The following COLEC12 variants were observed in gnomAD, a reference collection of about 807,000 sequenced individuals.
COLEC12 encodes collectin subfamily member 12, also known as collectin-12.
COLEC12 carries 33 observed loss-of-function variants against 71.1 expected under a neutral mutation model. That is an observed-to-expected ratio of 0.46 (90% CI 0.35 to 0.62). The LOEUF is 0.62. Among genes scored for constraint, COLEC12 ranks in the 20% least tolerant of loss-of-function variants. COLEC12 has a pLI of 0.00. For synonymous variants in COLEC12, 350 were observed against 353.0 expected, an observed-to-expected ratio of 0.99 and a Z score of 0.10; for missense variants, 765 against 916.1, an observed-to-expected ratio of 0.84 and a Z score of 2.13.
intron 2 of COLEC12, among the ~76,000 whole-genome samples, chr18:413,930 T>C (rs1038474123): frequency 1.3e-5 from 2 of 152,250 alleles, no homozygotes; most frequent in African/African-American, 4.8e-5. Context: ...ATTCCATTGA[T>C]ACAACATTCT....
At chr18:336,112 T>C (rs754412101) in intron 5 of COLEC12, among the ~76,000 whole-genome samples, 3 of 152,238 alleles carry the variant, frequency 2.0e-5, no homozygotes, top group Middle Eastern at 3.2e-3. Context: ...GATGTATTAA[T>C]TCTCTCCCCA....
At chr18:485,280 G>A (rs904097993) in intron 1 of COLEC12, among the ~76,000 whole-genome samples, 2 of 152,146 alleles carry the variant, frequency 1.3e-5, no homozygotes, top group African/African-American at 2.4e-5. Context: ...ACTTCCCAAT[G>A]TCTATCTCTG....
chr18:461,162 G>A (rs577428696), intron 2 of COLEC12, among the ~76,000 whole-genome samples: 31 of 152,212 alleles, frequency 2.0e-4, no homozygotes, highest in African/African-American at 7.5e-4. Flanking sequence ...CAAAAAACAT[G>A]CCTTGAAAAT....
At chr18:471,280 A>G (rs1244509752) in intron 2 of COLEC12, among the ~76,000 whole-genome samples, 2 of 55,954 alleles carry the variant, frequency 3.6e-5, no homozygotes, top group Non-Finnish European at 7.0e-5. Flanking sequence ...CAATTTCACA[A>G]TGTTTCATTG....
chr18:405,722 A>T (rs79790798), intron 2 of COLEC12, among the ~76,000 whole-genome samples: 8,918 of 152,174 alleles, frequency 0.059, 379 homozygotes, highest in Middle Eastern at 0.13. Context: ...GCAACAGTGG[A>T]GAGACTTCTG....
intron 5 of COLEC12, among the ~76,000 whole-genome samples, chr18:342,769 A>G (rs1914284264): frequency 6.6e-6 from 1 of 152,174 alleles, no homozygotes; most frequent in Admixed American, 6.5e-5. Flanking sequence ...TTGGCTTGGG[A>G]AGCTTCTCAG....
intron 8 of COLEC12, 142 bp from the exon 9 acceptor site, chr18:321,949 A>G: frequency 2.5e-6 from 2 of 784,774 alleles, no homozygotes; most frequent in Non-Finnish European, 4.1e-6. Flanking sequence ...AAATCAGTAC[A>G]TGCTCTTATT....
At chr18:348,263 G>A (rs1363555141) in intron 3 of COLEC12, 100 bp from the exon 4 acceptor site, 2 of 733,564 alleles carry the variant, frequency 2.7e-6, no homozygotes, top group East Asian at 5.5e-5. Flanking sequence ...AAAGGAAACA[G>A]ATTGAACGAA....
chr18:437,260 A>G (rs2143686531), intron 2 of COLEC12, among the ~76,000 whole-genome samples: 1 of 152,336 alleles, frequency 6.6e-6, no homozygotes, highest in East Asian at 1.9e-4. Flanking sequence ...TATACAACAT[A>G]AAGACCGAGA....
At chr18:467,131 TTTCC>T (rs1917103816) in intron 2 of COLEC12, among the ~76,000 whole-genome samples, 1 of 152,218 alleles carries the variant, frequency 6.6e-6, no homozygotes, top group African/African-American at 2.4e-5. Flanking sequence ...TCCTGCCCTC[TTTCC>T]TTCCTTTCTT....
intron 2 of COLEC12, among the ~76,000 whole-genome samples, chr18:415,647 A>G (rs987376502): frequency 6.6e-6 from 1 of 152,148 alleles, no homozygotes; most frequent in African/African-American, 2.4e-5. Context: ...ATCTACACAC[A>G]TTGGGCTGTA....
At chr18:481,899 G>T (rs975027432) in intron 1 of COLEC12, among the ~76,000 whole-genome samples, 1 of 152,048 alleles carries the variant, frequency 6.6e-6, no homozygotes, top group Non-Finnish European at 1.5e-5. Flanking sequence ...CACAACTAAA[G>T]GACACTTTTT....
rs1009856147 is a variant in COLEC12, at chr18:399,043, C to T, written c.59-41521G>A. Among the ~76,000 whole-genome samples the T allele has an allele frequency of 6.6e-6, 1 of 152,228 alleles. No individual in the cohort carries two copies. The highest frequency in any genetic ancestry group is 1.5e-5 in the Non-Finnish European group (1 of 68,042). ...CTCTGATCTTGTTACCCATGTAATA[C>T]AACAGAGTAGGTCCAAATAGTGCAA... On this transcript the variant is annotated intron_variant, in intron 2 of 9. Coordinates refer to ENST00000400256, the MANE Select transcript of COLEC12 (RefSeq NM_130386.3). The surrounding 1 kb of genome is among the most constrained non-coding windows in gnomAD (Gnocchi z 4.0).
At chr18:372,832 A>T (rs1915030388) in intron 2 of COLEC12, among the ~76,000 whole-genome samples, 1 of 152,226 alleles carries the variant, frequency 6.6e-6, no homozygotes. Flanking sequence ...GCTGTGACAC[A>T]GGAAGTGTCA....
At chr18:483,261 G>A (rs972350804) in intron 1 of COLEC12, among the ~76,000 whole-genome samples, 11 of 152,004 alleles carry the variant, frequency 7.2e-5, no homozygotes, top group Admixed American at 5.2e-4. Context: ...TTAGCCGGGC[G>A]TGGTGGCAGG....
At chr18:432,705 C>T (rs1458964237) in intron 2 of COLEC12, among the ~76,000 whole-genome samples, 2 of 137,678 alleles carry the variant, frequency 1.5e-5, no homozygotes, top group South Asian at 2.6e-4. Context: ...CCATGTGCTG[C>T]GAGCCACACC....
In COLEC12 at chr18:402,879, A is replaced by G. The variant is rs569181283; in HGVS notation, c.59-45357T>C. On this transcript the variant is annotated intron_variant, in intron 2 of 9. Transcript: ENST00000400256. ...AGAGTCAGTGTCCCTGTTCCTGACA[A>G]TGAGCCATCCACAGCCACTTCTCCT... Among the ~76,000 whole-genome samples the G allele has an allele frequency of 2.6e-5, 4 of 152,184 alleles. No individual in the cohort carries two copies. The South Asian group carries it at 8.3e-4, about 32-fold the overall frequency.
chr18:435,210 T>C (rs1916380475), intron 2 of COLEC12, among the ~76,000 whole-genome samples: 1 of 152,212 alleles, frequency 6.6e-6, no homozygotes, highest in South Asian at 2.1e-4. Context: ...TAAGAAGTTG[T>C]ATTAGTCCAT....
chr18:343,982 A>G (rs7236553), intron 5 of COLEC12, among the ~76,000 whole-genome samples: 8,414 of 152,340 alleles, frequency 0.055, 240 homozygotes, highest in Middle Eastern at 0.1. Context: ...CTAGCTTTTC[A>G]TGTCCTTACT....
Sources: allele counts gnomAD v4.1 joint callset (sites outside exome capture counted in the v4.1 genomes callset), GRCh38; gene constraint gnomAD v4.1.1; non-coding constraint Gnocchi (gnomAD v3.1); transcripts MANE v1.5; gene names NCBI Gene and HGNC (gene_info 2026-07-23, HGNC 2026-07-21).